The following MARCKS variants were observed in gnomAD, a reference collection of about 807,000 sequenced individuals.
The protein encoded by MARCKS is myristoylated alanine rich protein kinase C substrate, also known as myristoylated alanine-rich C-kinase substrate.
In MARCKS, 4 loss-of-function variants were observed where a neutral mutation model predicts 6.3. The observed-to-expected ratio is 0.63, with a 90% CI of 0.31 to 1.45. The LOEUF (loss-of-function observed/expected upper bound fraction) is 1.45, where lower values mean the gene tolerates loss of function less well. Among genes scored for constraint, MARCKS ranks in the 40% most tolerant of loss-of-function variants. MARCKS has a pLI of 0.07. For missense variants in MARCKS, 636 were observed against 485.7 expected (o/e 1.31, Z -2.91); for synonymous variants, 289 against 236.5 (o/e 1.22, Z -2.04).
chr6:113,860,294 GC>G lies in MARCKS; in HGVS notation c.718del (p.Gln240ArgfsTer129). ...CGGGTGGCGACCCGCAGGAGGCCAA[GC>G]CCCAGGAGGCCGCTGTCGCGCCAGA... ...AAGGDPQEAKPQEAAVAPEKP... is the reference protein window; with the variant it reads ...AAGGDPQEAKXQEAAVAPEKP... On this transcript the variant is annotated frameshift_variant, in exon 2 of 2. Transcript: ENST00000612661. LOFTEE classifies it low-confidence loss of function (END_TRUNC). The G allele has an allele frequency of 7.9e-7, 1 of 1,261,780 alleles. No homozygotes were observed. The highest frequency in any genetic ancestry group is 1.0e-6 in the Non-Finnish European group (1 of 978,358). 78.2% of individuals were successfully genotyped at this position (1,261,780 alleles called of 1,614,324 possible).
At position 113,860,720 on chromosome 6, in the gene MARCKS, TA is replaced by T; in HGVS notation, c.*143del. On this transcript the variant is annotated 3_prime_UTR_variant, in exon 2 of 2. Transcript: ENST00000612661. ...TGTCTTTTTTTATTTTACTTTTTTT[TA>T]AGCACCAAATTTTGTTGTTTTTTTT... is the stretch of plus-strand genomic sequence containing the variant. The T allele has an allele frequency of 1.8e-6, 1 of 564,176 alleles. No individual in the cohort carries two copies. Among genetic ancestry groups the T allele is most frequent in the East Asian group, 3.7e-5 (1 of 27,218 alleles). 34.9% of individuals were successfully genotyped at this position (564,176 alleles called of 1,614,324 possible).
chr6:113,858,437 T>C (rs1774821862), intron 1 of MARCKS, among the ~76,000 whole-genome samples: 1 of 152,218 alleles, frequency 6.6e-6, no homozygotes, highest in African/African-American at 2.4e-5. Flanking sequence ...TTTCCCACTG[T>C]CCTAAATCTT....
Position 113,860,750 on chromosome 6 carries a change from T to C in MARCKS, c.*171T>C, listed in dbSNP as rs1451322997. On this transcript the variant is annotated 3_prime_UTR_variant, in exon 2 of 2. Transcript: ENST00000612661. ...ACCAAATTTTGTTGTTTTTTTTTTT[T>C]CTCCCCTCCCCACAGATCCCATCTC... The C allele has an allele frequency of 7.6e-6, 3 of 395,264 alleles. No homozygotes were observed. The highest frequency in any genetic ancestry group is 4.7e-5 in the South Asian group (1 of 21,384). 24.5% of individuals were successfully genotyped at this position (395,264 alleles called of 1,614,324 possible). A position where few individuals can be genotyped will look rare whatever the true frequency, so the allele number is the denominator to read the frequency against.
rs978038052 is a variant in MARCKS, at chr6:113,861,979, C to A, written c.*1400C>A. ...TCAGATTACGTAGAGGAAGATCTTACAACATTTCCATGTCAAATCTGTTAC... is the reference window on the plus strand; with the variant it reads ...TCAGATTACGTAGAGGAAGATCTTAAAACATTTCCATGTCAAATCTGTTAC... On this transcript the variant is annotated 3_prime_UTR_variant, in exon 2 of 2. Coordinates refer to ENST00000612661, the MANE Select transcript of MARCKS (RefSeq NM_002356.7). 1.1e-4 allele frequency: 1 copy of A among 9,040 alleles called. No individual in the cohort carries two copies. The allele number at this position is 9,040 out of a possible 1,614,324, so 0.6% of individuals were successfully genotyped here.
At position 113,863,340 on chromosome 6, in the gene MARCKS, T is replaced by C. The variant is rs1774932046; in HGVS notation, c.*2761T>C. On this transcript the variant is annotated 3_prime_UTR_variant, in exon 2 of 2. Coordinates refer to ENST00000612661, the MANE Select transcript of MARCKS (RefSeq NM_002356.7). ...AAATAACTCTTGTACAGTTCAGTAT[T>C]GTCTATTAAATCTGTATTGGCAGTA... 6.6e-6 allele frequency: 1 copy of C among 152,206 alleles called. No individual in the cohort carries two copies. The highest frequency in any genetic ancestry group is 2.4e-5 in the African/African-American group (1 of 41,452). 9.4% of individuals were successfully genotyped at this position (152,206 alleles called of 1,614,324 possible).
chr6:113,860,359 A>C lies in MARCKS; in HGVS notation c.779A>C (p.Glu260Ala). 1 of 1,292,004 alleles carries C rather than the reference A, an allele frequency of 7.7e-7. No individual in the cohort carries two copies. The highest frequency in any genetic ancestry group is 1.6e-5 in the African/African-American group (1 of 62,114). 80.0% of individuals were successfully genotyped at this position (1,292,004 alleles called of 1,614,324 possible). Reference sequence around the variant, plus strand: ...AGCGACGAGACCAAGGCCGCCGAGGAGCCCAGCAAGGTGGAGGAGAAAAAG... The same window carrying C: ...AGCGACGAGACCAAGGCCGCCGAGGCGCCCAGCAAGGTGGAGGAGAAAAAG... ...PASDETKAAE[E>A]PSKVEEKKAE... The change falls in exon 2 of 2, where the codon GAG becomes GCG. Residue 260 changes from glutamate to alanine, a missense_variant. Transcript: ENST00000612661.
Position 113,859,773 on chromosome 6 carries a change from C to CCGGCCGCCGACAAGGAGGAGCCCG in MARCKS, c.203_226dup (p.Asp68_Ala75dup). The CCGGCCGCCGACAAGGAGGAGCCCG allele has an allele frequency of 1.4e-6, 2 of 1,452,610 alleles. No individual in the cohort carries two copies. Among genetic ancestry groups the CCGGCCGCCGACAAGGAGGAGCCCG allele is most frequent in the Middle Eastern group, 2.5e-4 (1 of 4,054 alleles). The allele number at this position is 1,452,610 out of a possible 1,614,324, so 90.0% of individuals were successfully genotyped here. A position where few individuals can be genotyped will look rare whatever the true frequency, so the allele number is the denominator to read the frequency against. The stretch of plus-strand genomic sequence containing the variant: ...GGAGCTGCAGGCCAACGGCAGCGCC[C>CCGGCCGCCGACAAGGAGGAGCCCG]CGGCCGCCGACAAGGAGGAGCCCGC... On this transcript the variant is annotated inframe_insertion, in exon 2 of 2. Transcript: ENST00000612661.
intron 1 of MARCKS, among the ~76,000 whole-genome samples, chr6:113,859,093 G>C (rs921134077): frequency 2.0e-5 from 3 of 152,088 alleles, no homozygotes; most frequent in East Asian, 1.9e-4. Flanking sequence ...AACGCGGCGC[G>C]GTGGAGGCAC....
intron 1 of MARCKS, among the ~76,000 whole-genome samples, chr6:113,858,889 C>A (rs764087186): frequency 1.3e-5 from 2 of 152,256 alleles, no homozygotes; most frequent in Non-Finnish European, 2.9e-5. Flanking sequence ...AGAGGCGAGA[C>A]CTCAGAAATA....
At chr6:113,859,478 C>T (rs1313385250) in intron 1 of MARCKS, among the ~76,000 whole-genome samples, 6 of 152,116 alleles carry the variant, frequency 3.9e-5, no homozygotes, top group African/African-American at 1.2e-4. Flanking sequence ...TTCGGGGGGT[C>T]TCCAGGCAGC....
chr6:113,860,435 C>CTGCGA lies in MARCKS; in HGVS notation c.855_856insTGCGA (p.Gly286CysfsTer85). ...CCGCCTGCGAGGCCCCCTCCGCCGC[C>CTGCGA]GGGCCCGGCGCGCCCCCGGAGCAGG... On this transcript the variant is annotated frameshift_variant, in exon 2 of 2. Transcript: ENST00000612661. LOFTEE classifies it low-confidence loss of function (END_TRUNC). 1 of 1,160,578 alleles carries CTGCGA rather than the reference C, an allele frequency of 8.6e-7. No homozygotes were observed. Among genetic ancestry groups the CTGCGA allele is most frequent in the Non-Finnish European group, 1.1e-6 (1 of 933,274 alleles). The allele number at this position is 1,160,578 out of a possible 1,614,324, so 71.9% of individuals were successfully genotyped here. A position where few individuals can be genotyped will look rare whatever the true frequency, so the allele number is the denominator to read the frequency against.
At chr6:113,859,453 G>A (rs1333545751) in intron 1 of MARCKS, among the ~76,000 whole-genome samples, 1 of 152,110 alleles carries the variant, frequency 6.6e-6, no homozygotes, top group African/African-American at 2.4e-5. Context: ...CGTACTTGGG[G>A]GCTACAGTTG....
chr6:113,857,521 G>T lies in MARCKS; in HGVS notation c.-225G>T. 1.9e-6 allele frequency: 1 copy of T among 533,492 alleles called. No individual in the cohort carries two copies. Among genetic ancestry groups the T allele is most frequent in the Non-Finnish European group, 3.3e-6 (1 of 302,266 alleles). The allele number at this position is 533,492 out of a possible 1,614,324, so 33.0% of individuals were successfully genotyped here. On this transcript the variant is annotated 5_prime_UTR_variant, in exon 1 of 2. Coordinates refer to ENST00000612661, the MANE Select transcript of MARCKS (RefSeq NM_002356.7). ...TCCACCCTTTTTCCCTCCCTCCTGT[G>T]CTGCTGCTTTTTGATCTCTTCGACT...
At position 113,860,712 on chromosome 6, in the gene MARCKS, CT is replaced by C. The variant is rs923027584; in HGVS notation, c.*141del. ...TTTAAAGATGTCTTTTTTTATTTTA[CT>C]TTTTTTTAAGCACCAAATTTTGTTG... On this transcript the variant is annotated 3_prime_UTR_variant, in exon 2 of 2. Coordinates refer to ENST00000612661, the MANE Select transcript of MARCKS (RefSeq NM_002356.7). 53 of 625,818 alleles carry C rather than the reference CT, an allele frequency of 8.5e-5. No homozygotes were observed. The highest frequency in any genetic ancestry group is 1.1e-4 in the South Asian group (3 of 26,808). The allele number at this position is 625,818 out of a possible 1,614,324, so 38.8% of individuals were successfully genotyped here.
At position 113,857,396 on chromosome 6, in the gene MARCKS, A is replaced by G. The variant is rs1554191652; in HGVS notation, c.-350A>G. ...TATTAGCAACCAGGGAGATTTCTCC[A>G]TTTTCCTCTTGTCTACAGTGCGGCT... On this transcript the variant is annotated 5_prime_UTR_variant, in exon 1 of 2. Transcript: ENST00000612661. The G allele has an allele frequency of 8.6e-6, 2 of 233,592 alleles. No homozygotes were observed. Among genetic ancestry groups the G allele is most frequent in the Non-Finnish European group, 1.7e-5 (2 of 118,630 alleles). The allele number at this position is 233,592 out of a possible 1,614,324, so 14.5% of individuals were successfully genotyped here.
Position 113,859,938 on chromosome 6 carries a change from A to ACGGCCGCGGAGGGAGAGGCCGCGT in MARCKS, c.366_389dup (p.Glu123_Ala130dup). The ACGGCCGCGGAGGGAGAGGCCGCGT allele has an allele frequency of 6.7e-7, 1 of 1,481,598 alleles. No individual in the cohort carries two copies. 91.8% of individuals were successfully genotyped at this position (1,481,598 alleles called of 1,614,324 possible). A position where few individuals can be genotyped will look rare whatever the true frequency, so the allele number is the denominator to read the frequency against. ...CGAGGCTGCCGAGCCCGGCTCGCCC[A>ACGGCCGCGGAGGGAGAGGCCGCGT]CGGCCGCGGAGGGAGAGGCCGCGTC... is the stretch of plus-strand genomic sequence containing the variant. On this transcript the variant is annotated inframe_insertion, in exon 2 of 2. Coordinates refer to ENST00000612661, the MANE Select transcript of MARCKS (RefSeq NM_002356.7).
chr6:113,860,421 GC>G lies in MARCKS; in HGVS notation c.846del (p.Ser283ProfsTer86). ...CGGGGCCAGCGCCGCCGCCTGCGAGGCCCCCTCCGCCGCCGGGCCCGGCGCG... is the reference window on the plus strand; with the variant it reads ...CGGGGCCAGCGCCGCCGCCTGCGAGGCCCCTCCGCCGCCGGGCCCGGCGCG... The part of the protein sequence containing the change: ...EAGASAAACE[A>X]PSAAGPGAPP... On this transcript the variant is annotated frameshift_variant, in exon 2 of 2. Transcript: ENST00000612661. LOFTEE classifies it low-confidence loss of function (END_TRUNC). 8.7e-7 allele frequency: 1 copy of G among 1,145,938 alleles called. No homozygotes were observed. Among genetic ancestry groups the G allele is most frequent in the Non-Finnish European group, 1.1e-6 (1 of 923,572 alleles). 71.0% of individuals were successfully genotyped at this position (1,145,938 alleles called of 1,614,324 possible).
At chr6:113,859,567 T>A (rs997740714) in intron 1 of MARCKS, 116 bp from the exon 2 acceptor site, 7 of 892,464 alleles carry the variant, frequency 7.8e-6, no homozygotes, top group Middle Eastern at 4.0e-4. Flanking sequence ...GGGGGTGGGG[T>A]CTCGATGGCC....
chr6:113,862,908 A>T lies in MARCKS; in HGVS notation c.*2329A>T, dbSNP rs1422300989. The T allele has an allele frequency of 2.6e-5, 4 of 152,200 alleles. No homozygotes were observed. Among genetic ancestry groups the T allele is most frequent in the Non-Finnish European group, 5.9e-5 (4 of 68,010 alleles). 9.4% of individuals were successfully genotyped at this position (152,200 alleles called of 1,614,324 possible). ...TTGAAAGTTAAAAATTGAATTTGGT[A>T]ACCAAAGGACTGATTTATGGGTCTT... On this transcript the variant is annotated 3_prime_UTR_variant, in exon 2 of 2. Coordinates refer to ENST00000612661, the MANE Select transcript of MARCKS (RefSeq NM_002356.7).
Sources: allele counts gnomAD v4.1 joint callset (sites outside exome capture counted in the v4.1 genomes callset), GRCh38; gene constraint gnomAD v4.1.1; transcripts MANE v1.5; gene names NCBI Gene and HGNC (gene_info 2026-07-23, HGNC 2026-07-21).